LYG1: variants seen among roughly 807,000 people sequenced by gnomAD.
The protein encoded by LYG1 is lysozyme g-like protein 1.
In LYG1, 17 loss-of-function variants were observed where a neutral mutation model predicts 21.7. The observed-to-expected ratio is 0.78, with a 90% CI of 0.54 to 1.18. LYG1 has a LOEUF of 1.18. Ranked by LOEUF, LYG1 falls within the 50% of genes most tolerant of loss-of-function variation. LYG1 has a pLI of 0.00. For missense variants in LYG1, 211 were observed against 238.1 expected (o/e 0.89, Z 0.75); for synonymous variants, 81 against 87.4 (o/e 0.93, Z 0.41).
chr2:99,292,985 C>CTTTTTTTTT (rs70940159), intron 3 of LYG1, among the ~76,000 whole-genome samples: 15 of 83,162 alleles, frequency 1.8e-4, no homozygotes, highest in East Asian at 4.1e-4. Flanking sequence ...CCTCATCTTA[C>CTTTTTTTTT]TTTTTTTTTT....
intron 2 of LYG1, among the ~76,000 whole-genome samples, chr2:99,298,152 G>A (rs1397919280): frequency 6.6e-6 from 1 of 152,220 alleles, no homozygotes. Flanking sequence ...CATCACTCGG[G>A]TGTGCTCAAA....
chr2:99,284,826 G>T lies in LYG1; in HGVS notation c.334-6C>A. On this transcript the variant is annotated splice_region_variant and splice_polypyrimidine_tract_variant and intron_variant, in intron 5 of 6. Transcript: ENST00000308528. ...GGAGCTTGAGAGCCAGGGTCCTGCA[G>T]GGAAGGAGGCAGAGAAGAAGCCACG... is the stretch of plus-strand genomic sequence containing the variant. 6.2e-7 allele frequency: 1 copy of T among 1,612,374 alleles called. No individual in the cohort carries two copies. The highest frequency in any genetic ancestry group is 8.5e-7 in the Non-Finnish European group (1 of 1,179,748).
In LYG1 at chr2:99,292,656, A is replaced by G. The variant is rs1342921435; in HGVS notation, c.44-16T>C. ...TCAGACAAGTCTACAAGTTGAGAAA[A>G]GTTCAGCCTAAGGCATGGAACTAGT... On this transcript the variant is annotated splice_polypyrimidine_tract_variant and intron_variant, in intron 3 of 6. Transcript: ENST00000308528. The G allele has an allele frequency of 2.5e-6, 4 of 1,575,114 alleles. No homozygotes were observed. In the African/African-American group the frequency reaches 4.0e-5, roughly 16 times the overall value.
chr2:99,293,825 G>C (rs2094128134), intron 3 of LYG1, among the ~76,000 whole-genome samples: 1 of 152,102 alleles, frequency 6.6e-6, no homozygotes, highest in African/African-American at 2.4e-5. Flanking sequence ...TCAGTACTAA[G>C]ATACCTACAG....
intron 2 of LYG1, among the ~76,000 whole-genome samples, chr2:99,296,295 T>C (rs1298332703): frequency 1.3e-5 from 2 of 151,900 alleles, no homozygotes; most frequent in African/African-American, 4.8e-5. Flanking sequence ...AAAACCCCAA[T>C]GCGGCAACAA....
chr2:99,287,150 T>G (rs2094102647), intron 5 of LYG1, among the ~76,000 whole-genome samples: 1 of 152,182 alleles, frequency 6.6e-6, no homozygotes, highest in African/African-American at 2.4e-5. Flanking sequence ...GGTATAAAAT[T>G]TTAGTCATGC....
intron 4 of LYG1, 24 bp downstream of exon 4, chr2:99,292,512 G>C (rs760438013): frequency 2.1e-5 from 33 of 1,556,380 alleles, no homozygotes; most frequent in Non-Finnish European, 2.7e-5. Context: ...GGGATAGGTT[G>C]AGAGGGCGAA....
intron 5 of LYG1, among the ~76,000 whole-genome samples, chr2:99,289,625 T>C (rs1042174919): frequency 2.6e-5 from 4 of 152,302 alleles, no homozygotes; most frequent in Admixed American, 2.6e-4. Context: ...ACTGAGTTAG[T>C]GTAGGTAGCA....
At chr2:99,289,873 T>G (rs867179954) in intron 5 of LYG1, among the ~76,000 whole-genome samples, 66 of 145,582 alleles carry the variant, frequency 4.5e-4, no homozygotes, top group Admixed American at 3.9e-3. Context: ...TGTTGTTGTT[T>G]TTTGAGATGG....
chr2:99,301,479 A>AGAGGAAGGGAGGAAG (rs2094153855), upstream of LYG1, among the ~76,000 whole-genome samples: 1 of 61,438 alleles, frequency 1.6e-5, no homozygotes, highest in Non-Finnish European at 3.9e-5. Context: ...GAGGAAGGGA[A>AGAGGAAGGGAGGAAG]GGAAGAAAGA....
chr2:99,301,228 T>C (rs538153642), upstream of LYG1: 15 of 152,404 alleles, frequency 9.8e-5, no homozygotes, highest in African/African-American at 2.9e-4. Flanking sequence ...GGGCCTTTTA[T>C]TCGAGAATGT....
chr2:99,298,318 A>G (rs2094143007), intron 2 of LYG1, 141 bp downstream of exon 2: 1 of 152,382 alleles, frequency 6.6e-6, no homozygotes, highest in African/African-American at 2.4e-5. Context: ...CAGAGAGCAA[A>G]ATAGTAACAA....
chr2:99,299,906 A>G (rs1406101504), intron 1 of LYG1, among the ~76,000 whole-genome samples: 7 of 151,504 alleles, frequency 4.6e-5, no homozygotes, highest in Non-Finnish European at 1.0e-4. Context: ...CTCCCTCCCT[A>G]CATATATACA....
intron 1 of LYG1, among the ~76,000 whole-genome samples, chr2:99,298,846 T>C (rs2105302265): frequency 6.6e-6 from 1 of 152,342 alleles, no homozygotes; most frequent in East Asian, 1.9e-4. Context: ...AACATGTCTC[T>C]GTGTCTACCT....
At position 99,301,111 on chromosome 2, in the gene LYG1, T is replaced by C. The variant is rs2105305137; in HGVS notation, c.-185A>G. 6.7e-6 allele frequency: 1 copy of C among 149,368 alleles called. No homozygotes were observed. The highest frequency in any genetic ancestry group is 6.7e-5 in the Admixed American group (1 of 14,852). The allele number at this position is 149,368 out of a possible 1,614,324, so 9.3% of individuals were successfully genotyped here. ...GCCCACAGCGATTTATATAGAGTCC[T>C]GTTCTCTTGTTAAAAGTGTTCATCT... On this transcript the variant is annotated 5_prime_UTR_variant, in exon 1 of 7. Transcript: ENST00000308528.
intron 3 of LYG1, among the ~76,000 whole-genome samples, chr2:99,292,860 G>GT (rs1453350748): frequency 6.6e-6 from 1 of 152,084 alleles, no homozygotes; most frequent in Non-Finnish European, 1.5e-5. Context: ...GCAGACATGA[G>GT]TAACTACTGG....
intron 4 of LYG1, among the ~76,000 whole-genome samples, chr2:99,292,210 G>A (rs1372350780): frequency 6.6e-6 from 1 of 152,096 alleles, no homozygotes; most frequent in African/African-American, 2.4e-5. Flanking sequence ...GCTTAAACCG[G>A]GGAGGTGGAG....
At chr2:99,294,373 T>G (rs1419204707) in intron 3 of LYG1, among the ~76,000 whole-genome samples, 1 of 152,208 alleles carries the variant, frequency 6.6e-6, no homozygotes, top group Non-Finnish European at 1.5e-5. Context: ...TCTTAGAACT[T>G]TATGGGGTTG....
chr2:99,288,669 A>G (rs2105291426), intron 5 of LYG1, among the ~76,000 whole-genome samples: 1 of 152,282 alleles, frequency 6.6e-6, no homozygotes, highest in South Asian at 2.1e-4. Flanking sequence ...CCCAGGCTCC[A>G]GCGATTCTCC....
Sources: allele counts gnomAD v4.1 joint callset (sites outside exome capture counted in the v4.1 genomes callset), GRCh38; gene constraint gnomAD v4.1.1; transcripts MANE v1.5; gene names NCBI Gene and HGNC (gene_info 2026-07-23, HGNC 2026-07-21).